The following ABCB11 variants were observed in gnomAD, a reference collection of about 807,000 sequenced individuals.
ABCB11 encodes ATP binding cassette subfamily B member 11, also known as bile salt export pump.
A neutral mutation model predicts 148.0 loss-of-function variants in ABCB11; 95 were observed. The observed-to-expected ratio is 0.64, with a 90% CI of 0.54 to 0.76. The LOEUF (loss-of-function observed/expected upper bound fraction) is 0.76. ABCB11 is among the 30% of genes least tolerant of loss of function. The pLI, the probability that ABCB11 is intolerant of heterozygous loss-of-function variation, is 0.00. For missense variants in ABCB11, 1,523 were observed against 1,617.8 expected (o/e 0.94, Z 1.01); for synonymous variants, 591 against 555.4 (o/e 1.06, Z -0.90).
intron 10 of ABCB11, among the ~76,000 whole-genome samples, chr2:168,984,165 G>C (rs529389207): frequency 6.6e-6 from 1 of 152,020 alleles, no homozygotes; most frequent in African/African-American, 2.4e-5. Flanking sequence ...TTGGGAGAGG[G>C]AGCAGGATAA....
At chr2:168,937,455 T>C (rs1431868795) in intron 21 of ABCB11, among the ~76,000 whole-genome samples, 1 of 152,228 alleles carries the variant, frequency 6.6e-6, no homozygotes, top group East Asian at 1.9e-4. Flanking sequence ...AATGATGAGC[T>C]CACATAACGT....
chr2:168,919,628 TTTAA>T (rs1559170475), downstream of ABCB11, among the ~76,000 whole-genome samples: 1 of 142,848 alleles, frequency 7.0e-6, no homozygotes, highest in Non-Finnish European at 1.5e-5. Context: ...GACCTTATTT[TTTAA>T]AAAAAAAGCC....
In ABCB11 at chr2:168,995,321, C is replaced by G. The variant is rs779208568; in HGVS notation, c.611+28G>C. The G allele has an allele frequency of 2.1e-5, 34 of 1,604,824 alleles. 1 individual carries two copies. The highest frequency in any genetic ancestry group is 2.0e-4 in the Admixed American group (12 of 58,894). On this transcript the variant is annotated intron_variant, in intron 7 of 27. Transcript: ENST00000650372. ...GGTTTTATTATCCAAAAATCACACA[C>G]TAAAATACTGTTTTACCAGCTACTT...
At chr2:169,016,658 T>C (rs1455925891) in intron 3 of ABCB11, 120 bp downstream of exon 3, 1 of 796,288 alleles carries the variant, frequency 1.3e-6, no homozygotes, top group Admixed American at 2.5e-5. Context: ...GAATGGATTG[T>C]ATATATTATT....
intron 19 of ABCB11, among the ~76,000 whole-genome samples, chr2:168,947,920 A>C (rs1210979082): frequency 6.6e-6 from 1 of 151,670 alleles, no homozygotes; most frequent in Non-Finnish European, 1.5e-5. Context: ...CTCAAGAAGG[A>C]CAGCAATTAT....
intron 5 of ABCB11, 63 bp from the exon 6 acceptor site, chr2:168,996,785 T>C (rs1278997015): frequency 6.9e-6 from 6 of 863,926 alleles, no homozygotes; most frequent in African/African-American, 5.3e-5. Context: ...GAGATTACAT[T>C]TGTGGATATA....
chr2:168,993,955 T>C, intron 7 of ABCB11, 73 bp from the exon 8 acceptor site: 2 of 1,301,410 alleles, frequency 1.5e-6, no homozygotes, highest in Non-Finnish European at 2.2e-6. Flanking sequence ...AGTCTCAGTC[T>C]TTCCCTTTTA....
chr2:168,963,958 CAATT>C (rs913995041), intron 18 of ABCB11, among the ~76,000 whole-genome samples: 25 of 151,822 alleles, frequency 1.6e-4, no homozygotes, highest in African/African-American at 4.1e-4. Context: ...TTGTCTAAGA[CAATT>C]AACCCTCCGA....
chr2:168,947,354 T>C (rs1692367736), intron 19 of ABCB11, among the ~76,000 whole-genome samples: 1 of 151,170 alleles, frequency 6.6e-6, no homozygotes, highest in African/African-American at 2.4e-5. Flanking sequence ...ATCCATTTTT[T>C]TTTTTCCCCA....
chr2:169,000,757 G>T (rs563028938), intron 5 of ABCB11, among the ~76,000 whole-genome samples: 2 of 152,024 alleles, frequency 1.3e-5, no homozygotes, highest in African/African-American at 4.8e-5. Flanking sequence ...AGCTATTCCA[G>T]TTTTTTTACA....
intron 6 of ABCB11, among the ~76,000 whole-genome samples, 154 bp from the exon 7 acceptor site, chr2:168,995,636 T>C (rs370788548): frequency 3.3e-5 from 5 of 152,080 alleles, no homozygotes; most frequent in African/African-American, 1.2e-4. Flanking sequence ...GTGAGCTCTG[T>C]CATCTGCTGC....
chr2:168,969,434 A>G lies in ABCB11; in HGVS notation c.1927T>C (p.Leu643=), dbSNP rs1693471170. Residue 643 remains leucine (L), a synonymous_variant, in exon 16 of 28, where the codon TTA becomes CTA. Transcript: ENST00000650372. ...TAVERGTHEE[L]LERKGVYFTL... Reference sequence around the variant, plus strand: ...AAGTAAACACCTTTCCTTTCCAGTAATTCTTCATGGGTCCCTCTTTCCACT... The same window carrying G: ...AAGTAAACACCTTTCCTTTCCAGTAGTTCTTCATGGGTCCCTCTTTCCACT... 6.2e-7 allele frequency: 1 copy of G among 1,612,614 alleles called. No individual in the cohort carries two copies. The highest frequency in any genetic ancestry group is 1.1e-5 in the South Asian group (1 of 91,026).
intron 12 of ABCB11, 128 bp from the exon 13 acceptor site, chr2:168,973,968 G>A: frequency 1.9e-6 from 2 of 1,028,862 alleles, no homozygotes; most frequent in Non-Finnish European, 2.8e-6. Context: ...TGCCCCCAAA[G>A]CAACGTCCAC....
chr2:168,949,752 A>C (rs981304682), intron 19 of ABCB11, among the ~76,000 whole-genome samples: 3 of 151,576 alleles, frequency 2.0e-5, no homozygotes, highest in Non-Finnish European at 4.4e-5. Flanking sequence ...TGAAGAATAC[A>C]AAGTATTGAT....
Position 168,923,551 on chromosome 2 carries a change from G to A in ABCB11, c.*71C>T, listed in dbSNP as rs1691163469. The A allele has an allele frequency of 1.4e-6, 2 of 1,411,928 alleles. No individual in the cohort carries two copies. The highest frequency in any genetic ancestry group is 3.5e-5 in the Admixed American group (2 of 57,420). 87.5% of individuals were successfully genotyped at this position (1,411,928 alleles called of 1,614,324 possible). ...ACAATCCCAGCAATCCCTCCTGCTG[G>A]GATTGTTTTTTTCTTTAAAAACAAC... On this transcript the variant is annotated 3_prime_UTR_variant, in exon 28 of 28. Transcript: ENST00000650372.
At chr2:168,995,293 A>G in intron 7 of ABCB11, 56 bp downstream of exon 7, 1 of 1,528,150 alleles carries the variant, frequency 6.5e-7, no homozygotes, top group South Asian at 1.3e-5. Context: ...ATTTAGAAAC[A>G]AGGGTTTTAT....
rs1474611521 is a variant in ABCB11, at chr2:168,970,213, T to G, written c.1641A>C (p.Gln547His). The G allele has an allele frequency of 6.2e-7, 1 of 1,611,016 alleles. No homozygotes were observed. The change falls in exon 15 of 28, where the codon CAA becomes CAC. Residue 547 changes from glutamine (Q) to histidine (H), a missense_variant and splice_region_variant. Coordinates refer to ENST00000650372, the MANE Select transcript of ABCB11 (RefSeq NM_003742.4). ...CTCCTTCTCCAACAAGGGTGTCAAA[T>G]TGCTAGATGGAAGGTGACACCAGTC... ...AYNFIMDLPQ[Q>H]FDTLVGEGGG...
chr2:169,001,866 T>C (rs1221069684), intron 5 of ABCB11, among the ~76,000 whole-genome samples: 3 of 152,126 alleles, frequency 2.0e-5, no homozygotes, highest in African/African-American at 7.2e-5. Flanking sequence ...TGTTATTACT[T>C]GGCTCCTGAG....
rs895814774 is a variant in ABCB11 at position 168,993,765 on chromosome 2, C to A, written c.729G>T (p.Leu243Phe). The A allele has an allele frequency of 6.2e-7, 1 of 1,610,586 alleles. No homozygotes were observed. Among genetic ancestry groups the A allele is most frequent in the East Asian group, 2.2e-5 (1 of 44,638 alleles). The change falls in exon 8 of 28, where the codon TTG becomes TTT. Residue 243 changes from leucine to phenylalanine, a missense_variant. Physicochemically the swap from Leu to Phe is conservative, Grantham distance 22. Coordinates refer to ENST00000650372, the MANE Select transcript of ABCB11 (RefSeq NM_003742.4). The stretch of plus-strand genomic sequence containing the variant: ...TGAGAGGGCTGACAGAAATAATAAC[C>A]AAGGTCAGTTTCCAACCCCTGAAAA... ...LGFFRGWKLT[L>F]VIISVSPLIG...
Sources: allele counts gnomAD v4.1 joint callset (sites outside exome capture counted in the v4.1 genomes callset), GRCh38; gene constraint gnomAD v4.1.1; transcripts MANE v1.5; gene names NCBI Gene and HGNC (gene_info 2026-07-23, HGNC 2026-07-21).